ARHGEF26: variants seen among roughly 807,000 people sequenced by gnomAD.
ARHGEF26 encodes the protein Rho guanine nucleotide exchange factor 26, also known as Rho guanine nucleotide exchange factor (GEF) 26.
A neutral mutation model predicts 89.4 loss-of-function variants in ARHGEF26; 59 were observed. That is an observed-to-expected ratio of 0.66 (90% confidence interval 0.54 to 0.82). The LOEUF (loss-of-function observed/expected upper bound fraction) is 0.82, where lower values mean the gene tolerates loss of function less well. Ranked by LOEUF, ARHGEF26 falls within the 40% of genes least tolerant of loss-of-function variation. ARHGEF26 has a pLI of 0.00. For missense variants in ARHGEF26, 1,234 were observed against 1,085.6 expected, an observed-to-expected ratio of 1.14 and a Z score of -1.92; for synonymous variants, 500 against 428.4, an observed-to-expected ratio of 1.17 and a Z score of -2.06.
At chr3:154,144,817 C>T (rs531744321) in intron 4 of ARHGEF26, among the ~76,000 whole-genome samples, 1 of 152,186 alleles carries the variant, frequency 6.6e-6, no homozygotes, top group Non-Finnish European at 1.5e-5. Flanking sequence ...TTAAGCTTAA[C>T]AATAGGACAT....
chr3:154,221,975 A>G (rs1716159158), intron 10 of ARHGEF26, among the ~76,000 whole-genome samples: 1 of 152,324 alleles, frequency 6.6e-6, no homozygotes, highest in Non-Finnish European at 1.5e-5. Context: ...ATTGGTTGCA[A>G]ATTTACTAAG....
chr3:154,187,380 AT>A (rs35918903), intron 6 of ARHGEF26, among the ~76,000 whole-genome samples: 1,533 of 127,070 alleles, frequency 0.012, 24 homozygotes, highest in African/African-American at 0.04. Context: ...CAATAACTTG[AT>A]TTTTTTTTTT....
chr3:154,211,314 C>T (rs1715344865), intron 9 of ARHGEF26, among the ~76,000 whole-genome samples: 1 of 152,140 alleles, frequency 6.6e-6, no homozygotes, highest in Non-Finnish European at 1.5e-5. Flanking sequence ...AACTCAAGTT[C>T]AGACTGCTGG....
chr3:154,136,507 A>G (rs1560045513), intron 4 of ARHGEF26, among the ~76,000 whole-genome samples: 1 of 152,148 alleles, frequency 6.6e-6, no homozygotes, highest in Non-Finnish European at 1.5e-5. Context: ...TTTATTATAA[A>G]TATCATTTCA....
chr3:154,251,021 A>C (rs771186463), intron 12 of ARHGEF26, among the ~76,000 whole-genome samples: 6 of 152,188 alleles, frequency 3.9e-5, no homozygotes, highest in Admixed American at 6.5e-5. Flanking sequence ...GCTTCTATAT[A>C]AATTGTGCAT....
At chr3:154,222,093 A>G (rs1264946938) in intron 10 of ARHGEF26, among the ~76,000 whole-genome samples, 1 of 152,180 alleles carries the variant, frequency 6.6e-6, no homozygotes, top group Non-Finnish European at 1.5e-5. Flanking sequence ...AGAGAGATTA[A>G]ATTCTTTGCT....
chr3:154,235,104 T>A lies in ARHGEF26; in HGVS notation c.2091-5266T>A, dbSNP rs544621300. Among the ~76,000 whole-genome samples, 14 of 152,316 alleles carry A rather than the reference T, an allele frequency of 9.2e-5. No homozygotes were observed. The East Asian group carries it at 1.5e-3, about 17-fold the overall frequency. ...TTCTGGCTATTTCTGCATGTTTATT[T>A]TTTTTCCGTGTTTTACAATCAACTC... On this transcript the variant is annotated intron_variant, in intron 11 of 14. Transcript: ENST00000465093.
chr3:154,140,609 T>C (rs1960241), intron 4 of ARHGEF26, among the ~76,000 whole-genome samples: 131,000 of 144,264 alleles, frequency 0.91, 59,725 homozygotes, highest in East Asian at 1. Context: ...TTTTTTGAGA[T>C]AGTCTAACTC....
intron 11 of ARHGEF26, among the ~76,000 whole-genome samples, chr3:154,236,836 A>T (rs572539767): frequency 6.6e-6 from 1 of 152,234 alleles, no homozygotes; most frequent in Non-Finnish European, 1.5e-5. Flanking sequence ...TATTTATTGC[A>T]TAATGCAGAA....
chr3:154,147,468 G>A (rs894445625), intron 4 of ARHGEF26, among the ~76,000 whole-genome samples: 7 of 152,124 alleles, frequency 4.6e-5, no homozygotes, highest in Admixed American at 3.9e-4. Flanking sequence ...TTCACTTTAT[G>A]TATCAAGTAA....
rs1717409916 is a variant in ARHGEF26 at position 154,240,332 on chromosome 3, C to T, written c.2091-38C>T. 4.0e-6 allele frequency: 6 copies of T among 1,500,312 alleles called. No homozygotes were observed. In the East Asian group the frequency reaches 9.2e-5, roughly 23 times the overall value. The allele number at this position is 1,500,312 out of a possible 1,614,324, so 92.9% of individuals were successfully genotyped here. On this transcript the variant is annotated intron_variant, in intron 11 of 14. Coordinates refer to ENST00000465093, the MANE Select transcript of ARHGEF26 (RefSeq NM_015595.4). ...AAACTGACAATGTCAGTCTTATCTG[C>T]TGAATAATTGACGTGTTCTTTTCCC...
chr3:154,134,951 C>G (rs1034501615), intron 4 of ARHGEF26, among the ~76,000 whole-genome samples: 1 of 151,998 alleles, frequency 6.6e-6, no homozygotes, highest in Non-Finnish European at 1.5e-5. Flanking sequence ...GGTGGATAAG[C>G]TTTTTGATGT....
chr3:154,220,721 G>A (rs1716074826), intron 10 of ARHGEF26, among the ~76,000 whole-genome samples: 1 of 152,078 alleles, frequency 6.6e-6, no homozygotes, highest in African/African-American at 2.4e-5. Flanking sequence ...GAAGCAATCA[G>A]ATGTGTGTTT....
At chr3:154,170,743 G>C (rs886802972) in intron 6 of ARHGEF26, among the ~76,000 whole-genome samples, 1 of 152,218 alleles carries the variant, frequency 6.6e-6, no homozygotes, top group African/African-American at 2.4e-5. Context: ...TATACAGTTA[G>C]TGCTTTTTAA....
At chr3:154,187,130 T>G (rs1375032492) in intron 6 of ARHGEF26, 38 of 543,218 alleles carry the variant, frequency 7.0e-5, no homozygotes, top group Non-Finnish European at 8.9e-5. Flanking sequence ...CAACTCATAA[T>G]CCACCCGCTT....
At chr3:154,127,002 A>G (rs1718370928) in intron 3 of ARHGEF26, among the ~76,000 whole-genome samples, 1 of 152,224 alleles carries the variant, frequency 6.6e-6, no homozygotes, top group Admixed American at 6.5e-5. Context: ...GGAAAAGTAC[A>G]GTAAAAATAC....
chr3:154,170,549 T>C (rs1287982236), intron 6 of ARHGEF26, among the ~76,000 whole-genome samples: 1 of 152,222 alleles, frequency 6.6e-6, no homozygotes, highest in African/African-American at 2.4e-5. Context: ...TCAGTCCACC[T>C]GGATTCCATT....
rs1355071979 is a variant in ARHGEF26 at position 154,121,944 on chromosome 3, A to G, written c.-49A>G. 3.9e-6 allele frequency: 6 copies of G among 1,535,074 alleles called. No individual in the cohort carries two copies. In the South Asian group the frequency reaches 7.5e-5, roughly 19 times the overall value. On this transcript the variant is annotated splice_region_variant and 5_prime_UTR_variant, in exon 2 of 15. Transcript: ENST00000465093. ...TTCCTAACTTCTTTCCTCTTTAGGCAAGACTAACTCGGTGTTGCTCCTCCC... is the reference window on the plus strand; with the variant it reads ...TTCCTAACTTCTTTCCTCTTTAGGCGAGACTAACTCGGTGTTGCTCCTCCC...
In ARHGEF26 at chr3:154,152,947, G is replaced by T. The variant is rs1166483345; in HGVS notation, c.1487+15G>T. On this transcript the variant is annotated intron_variant, in intron 6 of 14. Transcript: ENST00000465093. ...GCAAGCAAAAAGTAAGTGCACTGCA[G>T]TCTGCCTTTGGTCGTGCCAAGAAGT... 1 of 1,538,466 alleles carries T rather than the reference G, an allele frequency of 6.5e-7. No homozygotes were observed. Among genetic ancestry groups the T allele is most frequent in the South Asian group, 1.3e-5 (1 of 75,050 alleles).
Sources: allele counts gnomAD v4.1 joint callset (sites outside exome capture counted in the v4.1 genomes callset), GRCh38; gene constraint gnomAD v4.1.1; transcripts MANE v1.5; gene names NCBI Gene and HGNC (gene_info 2026-07-23, HGNC 2026-07-21).